The following KAZN variants were observed in gnomAD, a reference collection of about 807,000 sequenced individuals.
The protein encoded by KAZN is kazrin.
In KAZN, 40 loss-of-function variants were observed where a neutral mutation model predicts 87.4. That is an observed-to-expected ratio of 0.46 (90% CI 0.36 to 0.60). The LOEUF is 0.60. Ranked by LOEUF, KAZN falls within the 20% of genes least tolerant of loss-of-function variation. The pLI is 0.00. For synonymous variants in KAZN, 466 were observed against 458.3 expected (o/e 1.02, Z -0.22); for missense variants, 898 against 1,073.9 (o/e 0.84, Z 2.29).
At position 15,076,008 on chromosome 1, in the gene KAZN, C is replaced by G. The variant is rs1038195330; in HGVS notation, c.1222+10255C>G. 2.6e-5 allele frequency among the ~76,000 whole-genome samples: 4 copies of G among 152,176 alleles called. No homozygotes were observed. The East Asian group carries it at 7.7e-4, about 29-fold the overall frequency. On this transcript the variant is annotated intron_variant, in intron 8 of 14. Coordinates refer to ENST00000376030, the MANE Select transcript of KAZN (RefSeq NM_201628.3). ...GTCAGAGTCACATCCAAATTGGATC[C>G]GTGCTATACTAGGCCAGCTTCCTTC...
chr1:15,044,270 G>GGGGGGGGGGGGGGGGGCCC, intron 4 of KAZN, 111 bp downstream of exon 4: 1 of 413,330 alleles, frequency 2.4e-6, no homozygotes, highest in East Asian at 9.1e-5. Context: ...GGTGGGTGGG[G>GGGGGGGGGGGGGGGGGCCC]CAGAGCAGAA....
chr1:14,325,972 A>G (rs1656381572), intron 2 of KAZN, among the ~76,000 whole-genome samples: 1 of 149,194 alleles, frequency 6.7e-6, no homozygotes, highest in Admixed American at 6.6e-5. Context: ...GACTCTTGGC[A>G]ATCTACACCC....
At chr1:14,265,643 C>A (rs1651416447) in intron 2 of KAZN, among the ~76,000 whole-genome samples, 1 of 152,246 alleles carries the variant, frequency 6.6e-6, no homozygotes, top group African/African-American at 2.4e-5. Flanking sequence ...AATCAGAAAT[C>A]GAACCCTCAG....
At position 14,298,839 on chromosome 1, in the gene KAZN, C is replaced by T. The variant is rs180705169; in HGVS notation, c.249+118247C>T. ...AGTATACAAATGATTTATTCTTTTC[C>T]TTTTAACAAACTGGAGTGAATTCAA... On this transcript the variant is annotated intron_variant, in intron 2 of 16. Coordinates refer to the KAZN transcript ENST00000636203. Among the ~76,000 whole-genome samples, 275 of 152,250 alleles carry T rather than the reference C, an allele frequency of 1.8e-3. 1 individual carries two copies. The highest frequency in any genetic ancestry group is 2.4e-3 in the Non-Finnish European group (165 of 68,032).
At chr1:15,037,251 G>A (rs1398525854) in intron 3 of KAZN, among the ~76,000 whole-genome samples, 2 of 152,226 alleles carry the variant, frequency 1.3e-5, no homozygotes, top group Non-Finnish European at 2.9e-5. Flanking sequence ...AGGACACAGT[G>A]GGGCCAGAGA....
chr1:14,920,396 C>T (rs1031997731), intron 1 of KAZN, among the ~76,000 whole-genome samples: 6 of 150,800 alleles, frequency 4.0e-5, no homozygotes, highest in Non-Finnish European at 1.5e-5. Context: ...TCTGGACTGC[C>T]CCTTTCCCCT....
At chr1:14,300,691 G>A (rs1390783142) in intron 2 of KAZN, among the ~76,000 whole-genome samples, 3 of 152,208 alleles carry the variant, frequency 2.0e-5, no homozygotes, top group Non-Finnish European at 4.4e-5. Flanking sequence ...TGAGATAGTG[G>A]CCATGTTAAC....
chr1:14,296,676 C>A (rs926516084), intron 2 of KAZN, among the ~76,000 whole-genome samples: 5 of 128,870 alleles, frequency 3.9e-5, no homozygotes, highest in African/African-American at 1.5e-4. Flanking sequence ...TGCTCTGTCA[C>A]CCAGGCTGTA....
At chr1:14,811,622 G>A (rs942976481) in intron 1 of KAZN, among the ~76,000 whole-genome samples, 4 of 152,090 alleles carry the variant, frequency 2.6e-5, no homozygotes, top group Admixed American at 1.3e-4. Context: ...TTTTAATGTA[G>A]GGAAGCAAGC....
chr1:14,734,855 A>G (rs919050654), intron 1 of KAZN, among the ~76,000 whole-genome samples: 1 of 152,192 alleles, frequency 6.6e-6, no homozygotes, highest in African/African-American at 2.4e-5. Context: ...GCGTGTCCCA[A>G]GCATCTCACT....
intron 1 of KAZN, among the ~76,000 whole-genome samples, chr1:14,823,268 G>T (rs1010154767): frequency 6.6e-6 from 1 of 152,096 alleles, no homozygotes; most frequent in African/African-American, 2.4e-5. Context: ...GAACCGAGAC[G>T]TCCCCGTGAA....
At chr1:14,741,374 C>T (rs539015214) in intron 1 of KAZN, among the ~76,000 whole-genome samples, 177 of 152,304 alleles carry the variant, frequency 1.2e-3, no homozygotes, top group African/African-American at 3.9e-3. Context: ...TGCCTCAGCT[C>T]AGGCAAATCC....
chr1:14,463,289 G>T (rs1223907881), intron 2 of KAZN, among the ~76,000 whole-genome samples: 1 of 152,130 alleles, frequency 6.6e-6, no homozygotes, highest in Non-Finnish European at 1.5e-5. Flanking sequence ...CTAGGGATTG[G>T]TTTTTTGCCA....
intron 1 of KAZN, among the ~76,000 whole-genome samples, chr1:14,634,730 A>G (rs1176861305): frequency 1.3e-5 from 2 of 152,172 alleles, no homozygotes; most frequent in Non-Finnish European, 2.9e-5. Context: ...CTGAGGGTCA[A>G]AAGGTGCTGA....
At chr1:14,382,408 G>A (rs936566790) in intron 2 of KAZN, among the ~76,000 whole-genome samples, 12 of 146,596 alleles carry the variant, frequency 8.2e-5, no homozygotes, top group East Asian at 4.3e-4. Flanking sequence ...ATGCTGGTGC[G>A]CTGCACCCAC....
At chr1:14,907,533 G>A (rs2807562) in intron 1 of KAZN, among the ~76,000 whole-genome samples, 43,301 of 151,926 alleles carry the variant, frequency 0.29, 6,855 homozygotes, top group African/African-American at 0.43. Flanking sequence ...TTCTGAAATA[G>A]TGCCCGAAGA....
intron 1 of KAZN, among the ~76,000 whole-genome samples, chr1:13,921,699 C>G (rs371436435): frequency 1.3e-5 from 2 of 151,920 alleles, no homozygotes; most frequent in Admixed American, 1.3e-4. Context: ...GACCTTGGCT[C>G]ACTGCAAGCT....
chr1:15,080,950 T>A (rs1159705604), intron 8 of KAZN, among the ~76,000 whole-genome samples: 3 of 152,212 alleles, frequency 2.0e-5, no homozygotes, highest in Admixed American at 1.3e-4. Context: ...GACAGCCCCA[T>A]GACAAAGAAA....
At chr1:14,675,935 C>T (rs975816839) in intron 1 of KAZN, among the ~76,000 whole-genome samples, 4 of 152,124 alleles carry the variant, frequency 2.6e-5, no homozygotes, top group African/African-American at 9.7e-5. Context: ...TGGCCCTGCT[C>T]TACACCCCGA....
Sources: allele counts gnomAD v4.1 joint callset (sites outside exome capture counted in the v4.1 genomes callset), GRCh38; gene constraint gnomAD v4.1.1; transcripts MANE v1.5; gene names NCBI Gene and HGNC (gene_info 2026-07-23, HGNC 2026-07-21).